The following ELOVL6 variants were observed in gnomAD, a reference collection of about 807,000 sequenced individuals.
ELOVL6 encodes very long chain fatty acid elongase 6.
In ELOVL6, 8 loss-of-function variants were observed where a neutral mutation model predicts 31.7. That is an observed-to-expected ratio of 0.25 (90% confidence interval 0.15 to 0.45). ELOVL6 has a LOEUF of 0.45. Ranked by LOEUF, ELOVL6 falls within the 20% of genes least tolerant of loss-of-function variation. The pLI is 1.00. For missense variants in ELOVL6, 126 were observed against 326.4 expected, an observed-to-expected ratio of 0.39 and a Z score of 4.73; for synonymous variants, 101 against 117.7, an observed-to-expected ratio of 0.86 and a Z score of 0.92.
At chr4:110,053,956 T>C (rs1578440645) in intron 3 of ELOVL6, among the ~76,000 whole-genome samples, 2 of 150,276 alleles carry the variant, frequency 1.3e-5, no homozygotes, top group East Asian at 3.9e-4. Context: ...AAAAATTAGC[T>C]GGGCATTGTG....
chr4:110,124,377 A>G lies in ELOVL6; in HGVS notation c.90-18749T>C, dbSNP rs996391927. Among the ~76,000 whole-genome samples the G allele has an allele frequency of 4.1e-4, 62 of 152,210 alleles. 1 individual carries two copies. The highest frequency in any genetic ancestry group is 7.3e-5 in the Non-Finnish European group (5 of 68,034). ...ACACCATGGAACACTATGCAGCCAT[A>G]AAAAGGAATGAGATCATGTCCTTTG... On this transcript the variant is annotated intron_variant, in intron 1 of 3. Transcript: ENST00000302274.
At chr4:110,054,037 G>A (rs747458226) in intron 3 of ELOVL6, among the ~76,000 whole-genome samples, 13 of 152,126 alleles carry the variant, frequency 8.5e-5, no homozygotes, top group Non-Finnish European at 1.8e-4. Flanking sequence ...GGAGGCGGAG[G>A]TTGCAGTGAG....
rs3813825 is a variant in ELOVL6, at chr4:110,046,513, T to A, written c.*4825A>T. 0.18 allele frequency: 27,247 copies of A among 152,148 alleles called. 2,986 individuals carry two copies. The highest frequency in any genetic ancestry group is 0.44 in the East Asian group (2,287 of 5,170). 9.4% of individuals were successfully genotyped at this position (152,148 alleles called of 1,614,324 possible). On this transcript the variant is annotated 3_prime_UTR_variant, in exon 4 of 4. Coordinates refer to ENST00000302274, the MANE Select transcript of ELOVL6 (RefSeq NM_024090.3). ...CATCACTTCCTTTAAAAAGTGTCAA[T>A]CAGGAGGAAGGGAAGCCTGAGAATT...
intron 1 of ELOVL6, among the ~76,000 whole-genome samples, chr4:110,155,903 C>A (rs908236113): frequency 6.6e-6 from 1 of 152,206 alleles, no homozygotes; most frequent in Non-Finnish European, 1.5e-5. Flanking sequence ...AAGCACAGCT[C>A]ATGTTGAGAA....
chr4:110,091,974 A>T (rs1296507346), intron 2 of ELOVL6, among the ~76,000 whole-genome samples: 1 of 152,150 alleles, frequency 6.6e-6, no homozygotes, highest in African/African-American at 2.4e-5. Flanking sequence ...TACAGTGAGG[A>T]TTGCTTGCAC....
In ELOVL6 at chr4:110,050,663, C is replaced by T. The variant is rs1408177818; in HGVS notation, c.*675G>A. ...AGGAAGAATCTTGGGGAAGTATTCA[C>T]CCCCTTTGGTTTTGGCAAACTCACT... On this transcript the variant is annotated 3_prime_UTR_variant, in exon 4 of 4. Coordinates refer to ENST00000302274, the MANE Select transcript of ELOVL6 (RefSeq NM_024090.3). 4 of 152,846 alleles carry T rather than the reference C, an allele frequency of 2.6e-5. No homozygotes were observed. Among genetic ancestry groups the T allele is most frequent in the Non-Finnish European group, 5.9e-5 (4 of 68,244 alleles). The allele number at this position is 152,846 out of a possible 1,614,324, so 9.5% of individuals were successfully genotyped here.
At chr4:110,195,751 C>G (rs1192139678) in intron 1 of ELOVL6, among the ~76,000 whole-genome samples, 1 of 152,084 alleles carries the variant, frequency 6.6e-6, no homozygotes, top group Non-Finnish European at 1.5e-5. Context: ...GTAGTGCTGG[C>G]AATAAAATGG....
At position 110,083,974 on chromosome 4, in the gene ELOVL6, C is replaced by CATAT. The variant is rs370426285; in HGVS notation, c.221+21519_221+21522dup. Reference sequence around the variant, plus strand: ...GTTATATATGATATATATGATATAACATATGCCATATACGATATATAACAT... The same window carrying CATAT: ...GTTATATATGATATATATGATATAACATATATATGCCATATACGATATATAACAT... On this transcript the variant is annotated intron_variant, in intron 2 of 3. Coordinates refer to ENST00000302274, the MANE Select transcript of ELOVL6 (RefSeq NM_024090.3). Among the ~76,000 whole-genome samples the CATAT allele has an allele frequency of 3.3e-3, 279 of 83,736 alleles. 27 individuals carry two copies. Among genetic ancestry groups the CATAT allele is most frequent in the Non-Finnish European group, 3.8e-3 (138 of 36,272 alleles). 54.9% of individuals were successfully genotyped at this position (83,736 alleles called of 152,430 possible).
intron 2 of ELOVL6, among the ~76,000 whole-genome samples, chr4:110,088,400 T>G (rs1398331680): frequency 6.6e-6 from 1 of 152,120 alleles, no homozygotes; most frequent in Non-Finnish European, 1.5e-5. Flanking sequence ...ACCCACCAAT[T>G]GGGACACATT....
chr4:110,093,903 C>T (rs1332211898), intron 2 of ELOVL6, among the ~76,000 whole-genome samples: 1 of 152,036 alleles, frequency 6.6e-6, no homozygotes, highest in African/African-American at 2.4e-5. Flanking sequence ...GGGAAGGTCT[C>T]ATCAAGGCCA....
At chr4:110,171,985 A>C (rs927872461) in intron 1 of ELOVL6, among the ~76,000 whole-genome samples, 11 of 152,120 alleles carry the variant, frequency 7.2e-5, no homozygotes, top group Admixed American at 6.5e-5. Flanking sequence ...TACTGTGCCC[A>C]GACTTATAAC....
chr4:110,171,324 G>A (rs928928463), intron 1 of ELOVL6, among the ~76,000 whole-genome samples: 1 of 152,008 alleles, frequency 6.6e-6, no homozygotes, highest in Admixed American at 6.6e-5. Flanking sequence ...CAGGAGAATC[G>A]CTTGAACCTG....
chr4:110,175,923 T>C lies in ELOVL6; in HGVS notation c.89+22324A>G, dbSNP rs533963931. On this transcript the variant is annotated intron_variant, in intron 1 of 3. Coordinates refer to ENST00000302274, the MANE Select transcript of ELOVL6 (RefSeq NM_024090.3). ...GGTCATGTTTTAGGATCTCATGTCA[T>C]GTAATGTGTAAAACTATTCTTTCTT... Among the ~76,000 whole-genome samples the C allele has an allele frequency of 7.9e-4, 121 of 152,296 alleles. 3 individuals carry two copies. The South Asian group carries it at 0.012, about 16-fold the overall frequency.
At position 110,105,384 on chromosome 4, in the gene ELOVL6, C is replaced by T. The variant is rs1756858953; in HGVS notation, c.221+113G>A. ...TGAACATGACTTTATTTTATGTCCT[C>T]ATCATATTCAATAATCAAAAATATC... On this transcript the variant is annotated intron_variant, in intron 2 of 3. Coordinates refer to ENST00000302274, the MANE Select transcript of ELOVL6 (RefSeq NM_024090.3). 4.5e-6 allele frequency: 5 copies of T among 1,115,376 alleles called. No individual in the cohort carries two copies. The African/African-American group carries it at 4.7e-5, about 11-fold the overall frequency. 69.1% of individuals were successfully genotyped at this position (1,115,376 alleles called of 1,614,324 possible). A position where few individuals can be genotyped will look rare whatever the true frequency, so the allele number is the denominator to read the frequency against.
intron 1 of ELOVL6, among the ~76,000 whole-genome samples, chr4:110,115,267 A>G (rs1402748473): frequency 6.6e-6 from 1 of 152,228 alleles, no homozygotes; most frequent in Non-Finnish European, 1.5e-5. Context: ...TGGTTAGTTT[A>G]TAAATTGATT....
intron 1 of ELOVL6, 53 bp downstream of exon 1, chr4:110,198,194 C>T (rs956686143): frequency 8.9e-7 from 1 of 1,119,728 alleles, no homozygotes; most frequent in Non-Finnish European, 1.4e-6. Context: ...TAAGGCACTC[C>T]GGGAAGACGC....
intron 2 of ELOVL6, among the ~76,000 whole-genome samples, chr4:110,077,202 A>G (rs1755665130): frequency 6.6e-6 from 1 of 152,212 alleles, no homozygotes; most frequent in African/African-American, 2.4e-5. Context: ...AATCCTCTGC[A>G]GACTTAAATG....
chr4:110,088,545 TAGA>T (rs1239676753), intron 2 of ELOVL6, among the ~76,000 whole-genome samples: 2 of 152,326 alleles, frequency 1.3e-5, no homozygotes, highest in East Asian at 1.9e-4. Flanking sequence ...ATTTCATGTA[TAGA>T]AGATTTGTTT....
rs549040610 is a variant in ELOVL6, at chr4:110,193,173, AT to A, written c.89+5073del. On this transcript the variant is annotated intron_variant, in intron 1 of 3. Coordinates refer to ENST00000302274, the MANE Select transcript of ELOVL6 (RefSeq NM_024090.3). ...AGTTTCATTAACATTATGCTGCTAT[AT>A]TTTTTATGCTGCTATATTTGAGTTA... Among the ~76,000 whole-genome samples, 143 of 152,292 alleles carry A rather than the reference AT, an allele frequency of 9.4e-4. 1 individual carries two copies. The highest frequency in any genetic ancestry group is 3.2e-3 in the African/African-American group (134 of 41,560).
Sources: allele counts gnomAD v4.1 joint callset (sites outside exome capture counted in the v4.1 genomes callset), GRCh38; gene constraint gnomAD v4.1.1; transcripts MANE v1.5; gene names NCBI Gene and HGNC (gene_info 2026-07-23, HGNC 2026-07-21).